Variants in KCNJ16 observed in about 807,000 individuals in gnomAD.
KCNJ16 encodes inward rectifier potassium channel 16.
Under a neutral mutation model 18.5 loss-of-function variants are expected in KCNJ16, and 15 were observed. That is an observed-to-expected ratio of 0.81 (90% CI 0.54 to 1.25). The LOEUF is 1.25. KCNJ16 is among the 50% of genes most tolerant of loss of function. The pLI is 0.00. For synonymous variants in KCNJ16, 174 were observed against 186.5 expected, an observed-to-expected ratio of 0.93 and a Z score of 0.55; for missense variants, 523 against 525.7, an observed-to-expected ratio of 0.99 and a Z score of 0.05.
chr17:70,106,082 A>C (rs1383957470), intron 2 of KCNJ16, among the ~76,000 whole-genome samples: 2 of 152,226 alleles, frequency 1.3e-5, no homozygotes, highest in Non-Finnish European at 2.9e-5. Context: ...ATTGAGCCAT[A>C]TGCAGAATTA....
intron 1 of KCNJ16, among the ~76,000 whole-genome samples, chr17:70,086,975 T>C (rs548735436): frequency 6.6e-6 from 1 of 152,098 alleles, no homozygotes; most frequent in Non-Finnish European, 1.5e-5. Context: ...CTCAGCTCAC[T>C]GCAAGCTCCA....
At chr17:70,075,851 A>G (rs895955182) in intron 1 of KCNJ16, among the ~76,000 whole-genome samples, 5 of 150,440 alleles carry the variant, frequency 3.3e-5, no homozygotes, top group African/African-American at 9.8e-5. Context: ...ACTTTTTTTT[A>G]TAGTTGTCTA....
chr17:70,087,069 T>TTG (rs2071832289), intron 1 of KCNJ16, among the ~76,000 whole-genome samples: 1 of 151,016 alleles, frequency 6.6e-6, no homozygotes, highest in Non-Finnish European at 1.5e-5. Flanking sequence ...TAGCTACTTT[T>TTG]TTTTTTTTTT....
At chr17:70,094,548 G>T (rs2143754609) in intron 1 of KCNJ16, among the ~76,000 whole-genome samples, 1 of 152,276 alleles carries the variant, frequency 6.6e-6, no homozygotes, top group South Asian at 2.1e-4. Context: ...AGAATGAAAG[G>T]ATGGGAAGGT....
At chr17:70,112,454 T>C (rs566999222) in intron 2 of KCNJ16, among the ~76,000 whole-genome samples, 198 of 151,906 alleles carry the variant, frequency 1.3e-3, no homozygotes, top group Non-Finnish European at 2.4e-3. Context: ...TGTTTATAAT[T>C]CTCAGCTAAA....
At chr17:70,093,260 A>C (rs992355346) in intron 1 of KCNJ16, among the ~76,000 whole-genome samples, 3 of 152,214 alleles carry the variant, frequency 2.0e-5, no homozygotes, top group African/African-American at 7.2e-5. Context: ...CTCACAGTTC[A>C]AGAGGCTAGA....
intron 2 of KCNJ16, among the ~76,000 whole-genome samples, chr17:70,107,911 T>C (rs2073007130): frequency 6.6e-6 from 1 of 152,210 alleles, no homozygotes; most frequent in African/African-American, 2.4e-5. Context: ...AGCAAACTCA[T>C]GAAGCTCTTC....
intron 2 of KCNJ16, among the ~76,000 whole-genome samples, chr17:70,125,431 G>C (rs1311401166): frequency 6.6e-6 from 1 of 152,122 alleles, no homozygotes; most frequent in African/African-American, 2.4e-5. Flanking sequence ...GGAACCACAG[G>C]CTCTCTGCCA....
At chr17:70,076,230 T>A (rs1008633414) in intron 1 of KCNJ16, among the ~76,000 whole-genome samples, 1 of 152,180 alleles carries the variant, frequency 6.6e-6, no homozygotes, top group South Asian at 2.1e-4. Context: ...ATTACTCTTA[T>A]GGCTAGTAAG....
chr17:70,099,069 T>G (rs988907208), intron 1 of KCNJ16, among the ~76,000 whole-genome samples: 1 of 152,124 alleles, frequency 6.6e-6, no homozygotes, highest in Non-Finnish European at 1.5e-5. Context: ...AATCAGTCCT[T>G]TGATTTCCTC....
chr17:70,085,289 T>C (rs1034581053), intron 1 of KCNJ16, among the ~76,000 whole-genome samples: 29 of 152,236 alleles, frequency 1.9e-4, no homozygotes, highest in Admixed American at 1.9e-3. Flanking sequence ...GTTCTAAACC[T>C]GTGCCATGCA....
chr17:70,119,008 G>A (rs1206081986), intron 2 of KCNJ16, among the ~76,000 whole-genome samples: 2 of 152,158 alleles, frequency 1.3e-5, no homozygotes, highest in Non-Finnish European at 1.5e-5. Flanking sequence ...TGTACAAACA[G>A]GCGTTGGATA....
At chr17:70,128,961 C>G (rs902150442) in intron 2 of KCNJ16, 1 of 152,350 alleles carries the variant, frequency 6.6e-6, no homozygotes, top group African/African-American at 2.4e-5. Flanking sequence ...ACGCAGTACG[C>G]GGACGGCCTC....
At chr17:70,111,392 G>A (rs922564444) in intron 2 of KCNJ16, among the ~76,000 whole-genome samples, 2 of 152,154 alleles carry the variant, frequency 1.3e-5, no homozygotes, top group African/African-American at 4.8e-5. Context: ...AAAAGCAGAA[G>A]TGGGGAGCAC....
Position 70,132,340 on chromosome 17 carries a change from T to C in KCNJ16, c.253T>C (p.Trp85Arg). The change falls in exon 4 of 4, where the codon TGG becomes CGG. Residue 85 changes from tryptophan (W) to arginine (R), a missense_variant. By Grantham distance (101) the Trp-to-Arg change is moderately radical (BLOSUM62 -3). Coordinates refer to ENST00000392671, the MANE Select transcript of KCNJ16 (RefSeq NM_170741.4). The stretch of plus-strand genomic sequence containing the variant: ...ATTTTCTTTATCTTATATTCTCTCG[T>C]GGTTGATATTTGGCTCTGTCTTTTG... The part of the protein sequence containing the change: ...VIFSLSYILS[W>R]LIFGSVFWLI... The C allele has an allele frequency of 1.2e-6, 2 of 1,614,212 alleles. No homozygotes were observed. Among genetic ancestry groups the C allele is most frequent in the Non-Finnish European group, 1.7e-6 (2 of 1,180,014 alleles).
At chr17:70,129,553 C>T (rs1165398585) in intron 2 of KCNJ16, among the ~76,000 whole-genome samples, 2 of 152,172 alleles carry the variant, frequency 1.3e-5, no homozygotes, top group South Asian at 2.1e-4. Context: ...TTAAAAAATG[C>T]GTTATTTATA....
chr17:70,122,825 T>G (rs1249580108), intron 2 of KCNJ16, among the ~76,000 whole-genome samples: 1 of 152,106 alleles, frequency 6.6e-6, no homozygotes, highest in African/African-American at 2.4e-5. Flanking sequence ...TCCTCAAGAT[T>G]CAGCCTAGTT....
At position 70,134,489 on chromosome 17, in the gene KCNJ16, T is replaced by G. The variant is rs1240785225; in HGVS notation, c.*1145T>G. On this transcript the variant is annotated 3_prime_UTR_variant, in exon 4 of 4. Transcript: ENST00000392671. ...TAGAATTCAATTAAAGCGATTTGAA[T>G]GCACAGTAAGTGGATAATCTGAGTA... The G allele has an allele frequency of 1.8e-5, 3 of 166,988 alleles. No homozygotes were observed. In the Admixed American group the frequency reaches 2.0e-4, roughly 11 times the overall value. The allele number at this position is 166,988 out of a possible 1,614,324, so 10.3% of individuals were successfully genotyped here.
intron 1 of KCNJ16, among the ~76,000 whole-genome samples, chr17:70,089,394 G>T (rs1030092102): frequency 1.3e-5 from 2 of 152,118 alleles, no homozygotes; most frequent in African/African-American, 4.8e-5. Flanking sequence ...TTAATTACTA[G>T]AAAAGAGGGA....
Sources: allele counts gnomAD v4.1 joint callset (sites outside exome capture counted in the v4.1 genomes callset), GRCh38; gene constraint gnomAD v4.1.1; transcripts MANE v1.5; gene names NCBI Gene and HGNC (gene_info 2026-07-23, HGNC 2026-07-21).